Variants in EEPD1 observed in about 807,000 individuals in gnomAD.
The protein encoded by EEPD1 is endonuclease/exonuclease/phosphatase family domain containing 1, also known as endonuclease/exonuclease/phosphatase family domain-containing protein 1.
Under a neutral mutation model 46.3 loss-of-function variants are expected in EEPD1, and 17 were observed. The observed-to-expected ratio is 0.37, with a 90% confidence interval of 0.25 to 0.55. EEPD1 has a LOEUF of 0.55. Ranked by LOEUF, EEPD1 falls within the 20% of genes least tolerant of loss-of-function variation. The pLI is 0.83. For synonymous variants in EEPD1, 313 were observed against 315.6 expected, an observed-to-expected ratio of 0.99 and a Z score of 0.09; for missense variants, 673 against 745.6, an observed-to-expected ratio of 0.90 and a Z score of 1.13.
chr7:36,296,789 G>A (rs766182046), intron 6 of EEPD1, among the ~76,000 whole-genome samples: 5 of 142,434 alleles, frequency 3.5e-5, no homozygotes, highest in African/African-American at 1.1e-4. Context: ...ATTTCCAAAC[G>A]TGTTGCTGAC....
intron 2 of EEPD1, among the ~76,000 whole-genome samples, chr7:36,165,092 A>G (rs368413554): frequency 2.0e-4 from 30 of 152,318 alleles, no homozygotes; most frequent in African/African-American, 7.0e-4. Flanking sequence ...TGTTTATTAA[A>G]TCTACAGTAG....
chr7:36,275,433 TTTA>T (rs922113720), intron 3 of EEPD1, among the ~76,000 whole-genome samples: 1 of 152,062 alleles, frequency 6.6e-6, no homozygotes, highest in African/African-American at 2.4e-5. Flanking sequence ...CACCTTTATT[TTTA>T]TTATTATTAT....
intron 2 of EEPD1, among the ~76,000 whole-genome samples, chr7:36,208,287 A>C (rs1333416391): frequency 6.6e-6 from 1 of 152,242 alleles, no homozygotes; most frequent in Non-Finnish European, 1.5e-5. Flanking sequence ...GGAGGACTTC[A>C]TGCTAAAAAT....
At chr7:36,170,917 T>G (rs1481015051) in intron 2 of EEPD1, among the ~76,000 whole-genome samples, 20 of 152,058 alleles carry the variant, frequency 1.3e-4, no homozygotes, top group Admixed American at 6.5e-5. Flanking sequence ...TTTCCATGCT[T>G]CTTTTGTTTT....
chr7:36,207,261 C>T (rs1477769832), intron 2 of EEPD1, among the ~76,000 whole-genome samples: 1 of 152,050 alleles, frequency 6.6e-6, no homozygotes, highest in African/African-American at 2.4e-5. Context: ...GAGTGCAGCT[C>T]GGCAACACAT....
rs902027521 is a variant in EEPD1, at chr7:36,270,963, C to T, written c.931-10152C>T. Among the ~76,000 whole-genome samples, 3 of 148,644 alleles carry T rather than the reference C, an allele frequency of 2.0e-5. No homozygotes were observed. In the East Asian group the frequency reaches 5.9e-4, roughly 29 times the overall value. On this transcript the variant is annotated intron_variant, in intron 3 of 7. Transcript: ENST00000242108. The stretch of plus-strand genomic sequence containing the variant: ...ATTTCTCCACATCCTCTCCAGCAAG[C>T]TATTGTTTCCTTTTTATTTATTATT...
chr7:36,262,029 A>C (rs571210589), intron 3 of EEPD1, among the ~76,000 whole-genome samples: 1 of 152,246 alleles, frequency 6.6e-6, no homozygotes, highest in Admixed American at 6.5e-5. Flanking sequence ...AAAAGCGTTC[A>C]CTGACATTCC....
intron 3 of EEPD1, among the ~76,000 whole-genome samples, chr7:36,273,969 G>A (rs557441269): frequency 1.3e-5 from 2 of 152,320 alleles, no homozygotes; most frequent in East Asian, 3.9e-4. Context: ...TGAGCTCCTG[G>A]GCCAGTAGGA....
chr7:36,287,815 T>C, intron 6 of EEPD1, 38 bp downstream of exon 6: 1 of 1,607,044 alleles, frequency 6.2e-7, no homozygotes, highest in East Asian at 2.2e-5. Flanking sequence ...GGCCACTGTT[T>C]TGCAGAGCAG....
chr7:36,217,591 A>G (rs1486599661), intron 2 of EEPD1, among the ~76,000 whole-genome samples: 1 of 152,164 alleles, frequency 6.6e-6, no homozygotes, highest in Non-Finnish European at 1.5e-5. Flanking sequence ...GCCTTATTTT[A>G]CCCAGCCCCT....
chr7:36,252,766 G>T (rs771290868), intron 3 of EEPD1, among the ~76,000 whole-genome samples: 1 of 151,102 alleles, frequency 6.6e-6, no homozygotes, highest in Non-Finnish European at 1.5e-5. Flanking sequence ...CCCAGACTGT[G>T]GGGGCAGGCA....
chr7:36,289,422 G>C (rs196599), intron 6 of EEPD1, among the ~76,000 whole-genome samples: 60,064 of 152,032 alleles, frequency 0.4, 12,657 homozygotes, highest in East Asian at 0.76. Flanking sequence ...TAAGTAGAAT[G>C]ATAATATTTG....
intron 2 of EEPD1, among the ~76,000 whole-genome samples, chr7:36,189,716 T>C (rs1380225869): frequency 6.6e-6 from 1 of 152,232 alleles, no homozygotes; most frequent in African/African-American, 2.4e-5. Flanking sequence ...ATTTTCTTGC[T>C]GAGGGTATTT....
chr7:36,276,594 A>C lies in EEPD1; in HGVS notation c.931-4521A>C, dbSNP rs984056154. Among the ~76,000 whole-genome samples, 51 of 152,202 alleles carry C rather than the reference A, an allele frequency of 3.4e-4. 2 individuals are homozygous for C. ...ACGTACAGGGTCCCGGGAGAGCCAA[A>C]ATAGTATTTGTTTGTTTGGAATAAT... On this transcript the variant is annotated intron_variant, in intron 3 of 7. Transcript: ENST00000242108.
chr7:36,188,015 C>G (rs1053156802), intron 2 of EEPD1, among the ~76,000 whole-genome samples: 1 of 150,644 alleles, frequency 6.6e-6, no homozygotes, highest in Non-Finnish European at 1.5e-5. Flanking sequence ...TCAGGCTGGT[C>G]TTGAACACTT....
At chr7:36,218,961 A>T (rs1430169718) in intron 2 of EEPD1, among the ~76,000 whole-genome samples, 1 of 151,958 alleles carries the variant, frequency 6.6e-6, no homozygotes, top group Non-Finnish European at 1.5e-5. Context: ...CCTGGAGGAG[A>T]AGTGTTAATA....
At chr7:36,246,759 C>T (rs1363884823) in intron 3 of EEPD1, among the ~76,000 whole-genome samples, 2 of 152,096 alleles carry the variant, frequency 1.3e-5, no homozygotes, top group Admixed American at 6.5e-5. Context: ...TGGAGCAGAC[C>T]TCTAAGATGT....
At chr7:36,287,509 T>G in intron 5 of EEPD1, 130 bp from the exon 6 acceptor site, 2 of 1,363,232 alleles carry the variant, frequency 1.5e-6, no homozygotes, top group Non-Finnish European at 2.0e-6. Context: ...TTCCTGGGGG[T>G]GTGAGCCAGC....
At chr7:36,262,001 C>T (rs913140642) in intron 3 of EEPD1, among the ~76,000 whole-genome samples, 1 of 152,174 alleles carries the variant, frequency 6.6e-6, no homozygotes, top group African/African-American at 2.4e-5. Flanking sequence ...AAATTTTGCT[C>T]CATCTTTGTA....
Sources: allele counts gnomAD v4.1 joint callset (sites outside exome capture counted in the v4.1 genomes callset), GRCh38; gene constraint gnomAD v4.1.1; transcripts MANE v1.5; gene names NCBI Gene and HGNC (gene_info 2026-07-23, HGNC 2026-07-21).